The following PDE8B variants were observed in gnomAD, a reference collection of about 807,000 sequenced individuals.
PDE8B encodes the protein phosphodiesterase 8B.
PDE8B carries 26 observed loss-of-function variants against 101.3 expected under a neutral mutation model. That is an observed-to-expected ratio of 0.26 (90% CI 0.19 to 0.36). The LOEUF (loss-of-function observed/expected upper bound fraction) is 0.36, where lower values mean the gene tolerates loss of function less well. PDE8B is among the 10% of genes least tolerant of loss of function. The pLI, the probability that PDE8B is intolerant of heterozygous loss-of-function variation, is 1.00. For synonymous variants in PDE8B, 424 were observed against 429.3 expected (o/e 0.99, Z 0.15); for missense variants, 810 against 1,163.1 (o/e 0.70, Z 4.42).
chr5:77,117,059 C>A, the PDE8B span, among the ~76,000 whole-genome samples: 1 of 152,212 alleles, frequency 6.6e-6, no homozygotes, highest in African/African-American at 2.4e-5. Context: ...GGGGCACACA[C>A]CCCATTCTCT....
chr5:77,091,057 T>G, the PDE8B span, among the ~76,000 whole-genome samples: 4 of 152,224 alleles, frequency 2.6e-5, no homozygotes, highest in Non-Finnish European at 5.9e-5. Context: ...TCCCCATTTC[T>G]CTAATCTTCA....
rs140598167 is a variant in PDE8B at position 77,369,153 on chromosome 5, A to G, written c.1167+15747A>G. 1.8e-3 allele frequency among the ~76,000 whole-genome samples: 266 copies of G among 144,484 alleles called. 1 individual carries two copies. The highest frequency in any genetic ancestry group is 6.4e-3 in the African/African-American group (249 of 39,118). The allele number at this position is 144,484 out of a possible 152,430, so 94.8% of individuals were successfully genotyped here. ...GGGAGACGGAGGTTGCAGTGAGCCG[A>G]GATCATGCCACTGCACTCCAGCCTA... On this transcript the variant is annotated intron_variant, in intron 10 of 21. Coordinates refer to ENST00000264917, the MANE Select transcript of PDE8B (RefSeq NM_003719.5).
At chr5:77,384,458 C>G (rs1788136338) in intron 10 of PDE8B, among the ~76,000 whole-genome samples, 1 of 152,076 alleles carries the variant, frequency 6.6e-6, no homozygotes. Flanking sequence ...ATTTGAATAC[C>G]TTTATTTCTT....
intron 10 of PDE8B, among the ~76,000 whole-genome samples, chr5:77,366,685 C>T (rs1283720276): frequency 6.6e-6 from 1 of 152,118 alleles, no homozygotes; most frequent in Non-Finnish European, 1.5e-5. Flanking sequence ...GAGGCCAGAG[C>T]GGGGCCTATG....
chr5:77,268,560 G>A (rs1389277093), intron 1 of PDE8B, among the ~76,000 whole-genome samples: 2 of 150,246 alleles, frequency 1.3e-5, no homozygotes, highest in Non-Finnish European at 3.0e-5. Context: ...CTGTCTCTAT[G>A]AATTCAATTG....
At chr5:77,222,231 G>A (rs889397994) in intron 1 of PDE8B, among the ~76,000 whole-genome samples, 1 of 152,202 alleles carries the variant, frequency 6.6e-6, no homozygotes, top group Non-Finnish European at 1.5e-5. Context: ...GTACAACCTA[G>A]AGGTACAGTC....
At chr5:77,246,526 A>G (rs939707663) in intron 1 of PDE8B, among the ~76,000 whole-genome samples, 1 of 152,262 alleles carries the variant, frequency 6.6e-6, no homozygotes, top group Non-Finnish European at 1.5e-5. Context: ...GAAAGTTAGA[A>G]GAAAAAAACA....
intron 10 of PDE8B, among the ~76,000 whole-genome samples, chr5:77,386,166 T>G (rs182684261): frequency 6.6e-6 from 1 of 152,348 alleles, no homozygotes; most frequent in African/African-American, 2.4e-5. Flanking sequence ...TTCCATTCTT[T>G]TGCATTTGCT....
chr5:77,270,764 C>G (rs1762614607), intron 1 of PDE8B, among the ~76,000 whole-genome samples: 1 of 152,242 alleles, frequency 6.6e-6, no homozygotes, highest in African/African-American at 2.4e-5. Context: ...AGAGATACCA[C>G]TTCCTTCTGG....
At chr5:77,116,204 C>CTATATATATATATA in the PDE8B span, among the ~76,000 whole-genome samples, 4 of 91,104 alleles carry the variant, frequency 4.4e-5, no homozygotes, top group African/African-American at 1.4e-4. Flanking sequence ...CCGAGTTCTT[C>CTATATATATATATA]TATATATATA....
intron 1 of PDE8B, among the ~76,000 whole-genome samples, chr5:77,272,066 G>T (rs560201165): frequency 2.0e-5 from 3 of 152,088 alleles, no homozygotes; most frequent in Non-Finnish European, 4.4e-5. Context: ...TGGAAACCCT[G>T]GTCTAAACTT....
rs140609592 is a variant in PDE8B, at chr5:77,238,694, AC to A, written c.339+27432del. Among the ~76,000 whole-genome samples, 576 of 152,342 alleles carry A rather than the reference AC, an allele frequency of 3.8e-3. 2 individuals carry two copies. Among genetic ancestry groups the A allele is most frequent in the African/African-American group, 0.013 (547 of 41,570 alleles). ...GAATTCTCATGATCTGACATCTGCAACCTGGAGGCCTGAGAAATCTGGCAGT... is the reference window on the plus strand; with the variant it reads ...GAATTCTCATGATCTGACATCTGCAACTGGAGGCCTGAGAAATCTGGCAGT... On this transcript the variant is annotated intron_variant, in intron 1 of 21. Coordinates refer to ENST00000264917, the MANE Select transcript of PDE8B (RefSeq NM_003719.5).
At chr5:77,390,534 T>C (rs1440972126) in intron 10 of PDE8B, among the ~76,000 whole-genome samples, 1 of 152,218 alleles carries the variant, frequency 6.6e-6, no homozygotes, top group Non-Finnish European at 1.5e-5. Flanking sequence ...TTTATGCTTT[T>C]ACAAGAGGAG....
chr5:77,258,108 G>C (rs1010050576), intron 1 of PDE8B, among the ~76,000 whole-genome samples: 5 of 151,936 alleles, frequency 3.3e-5, no homozygotes, highest in Admixed American at 2.0e-4. Context: ...GGCCAACATG[G>C]TGACACCCCG....
At chr5:77,259,304 C>T (rs1350012784) in intron 1 of PDE8B, among the ~76,000 whole-genome samples, 2 of 152,054 alleles carry the variant, frequency 1.3e-5, no homozygotes, top group Non-Finnish European at 1.5e-5. Context: ...CCACTTGGCC[C>T]ATAGAACAGG....
intron 12 of PDE8B, among the ~76,000 whole-genome samples, chr5:77,406,433 C>G (rs192779862): frequency 6.6e-6 from 1 of 152,106 alleles, no homozygotes; most frequent in Non-Finnish European, 1.5e-5. Context: ...ATGGATTGAG[C>G]GGATAGATAG....
intron 1 of PDE8B, among the ~76,000 whole-genome samples, chr5:77,270,281 G>T (rs1762529457): frequency 6.6e-6 from 1 of 152,130 alleles, no homozygotes; most frequent in African/African-American, 2.4e-5. Flanking sequence ...ATACAGAAAT[G>T]CTACTGATTT....
chr5:77,135,473 A>ATTTTTTTTTTTTTTTTTTTTTTTTTTTTT, the PDE8B span, among the ~76,000 whole-genome samples: 1 of 121,534 alleles, frequency 8.2e-6, no homozygotes, highest in Non-Finnish European at 1.7e-5. Flanking sequence ...AGCCAGAGGA[A>ATTTTTTTTTTTTTTTTTTTTTTTTTTTTT]TTTTTTTTTT....
chr5:77,133,474 G>T, the PDE8B span, among the ~76,000 whole-genome samples: 1 of 152,186 alleles, frequency 6.6e-6, no homozygotes, highest in Non-Finnish European at 1.5e-5. Context: ...TCAGAAATTA[G>T]TATCTAATTG....
Sources: allele counts gnomAD v4.1 joint callset (sites outside exome capture counted in the v4.1 genomes callset), GRCh38; gene constraint gnomAD v4.1.1; transcripts MANE v1.5; gene names NCBI Gene and HGNC (gene_info 2026-07-23, HGNC 2026-07-21).